OSBPL9: variants seen among roughly 807,000 people sequenced by gnomAD.
OSBPL9 encodes oxysterol-binding protein-related protein 9.
Under a neutral mutation model 106.6 loss-of-function variants are expected in OSBPL9, and 40 were observed. That is an observed-to-expected ratio of 0.38 (90% confidence interval 0.29 to 0.49). OSBPL9 has a LOEUF of 0.49. Ranked by LOEUF, OSBPL9 falls within the 20% of genes least tolerant of loss-of-function variation. OSBPL9 has a pLI of 0.97. For missense variants in OSBPL9, 609 were observed against 887.2 expected (o/e 0.69, Z 3.98); for synonymous variants, 269 against 295.4 (o/e 0.91, Z 0.92).
At chr1:51,715,689 AC>A (rs1660923137) in intron 4 of OSBPL9, among the ~76,000 whole-genome samples, 1 of 152,224 alleles carries the variant, frequency 6.6e-6, no homozygotes, top group Non-Finnish European at 1.5e-5. Context: ...AACAAGAGCC[AC>A]CTGCCCTTGT....
intron 9 of OSBPL9, among the ~76,000 whole-genome samples, chr1:51,757,748 C>T (rs1264031618): frequency 1.3e-5 from 2 of 152,032 alleles, no homozygotes; most frequent in African/African-American, 4.8e-5. Context: ...TGCTTGGGTT[C>T]AAATAAAATA....
At chr1:51,669,613 T>A (rs1018795981) in intron 3 of OSBPL9, 101 bp downstream of exon 3, 1 of 1,117,250 alleles carries the variant, frequency 9.0e-7, no homozygotes, top group Non-Finnish European at 1.3e-6. Flanking sequence ...TTGCAACTGA[T>A]CCTGCATGAA....
intron 6 of OSBPL9, among the ~76,000 whole-genome samples, chr1:51,747,215 C>T (rs996109577): frequency 7.9e-5 from 12 of 152,236 alleles, no homozygotes; most frequent in Non-Finnish European, 1.8e-4. Context: ...GATCCACCCA[C>T]CTTGACCTCC....
At chr1:51,736,196 A>G (rs1032567676) in intron 4 of OSBPL9, among the ~76,000 whole-genome samples, 1 of 152,194 alleles carries the variant, frequency 6.6e-6, no homozygotes, top group Non-Finnish European at 1.5e-5. Context: ...CTTGTATTTT[A>G]TATCATCTTG....
At chr1:51,570,238 A>G in the OSBPL9 span, among the ~76,000 whole-genome samples, 1 of 152,212 alleles carries the variant, frequency 6.6e-6, no homozygotes, top group Non-Finnish European at 1.5e-5. Flanking sequence ...CACTGCTAAC[A>G]TTCACTGAAC....
intron 3 of OSBPL9, among the ~76,000 whole-genome samples, chr1:51,700,010 C>A (rs1656894691): frequency 6.6e-6 from 1 of 152,140 alleles, no homozygotes; most frequent in African/African-American, 2.4e-5. Flanking sequence ...TATTTAACTC[C>A]GTTTTCCAAA....
intron 1 of OSBPL9, among the ~76,000 whole-genome samples, chr1:51,587,790 A>G (rs761180309): frequency 3.5e-4 from 53 of 152,186 alleles, no homozygotes; most frequent in Admixed American, 2.9e-3. Context: ...AGAATTCTCC[A>G]AAATGTAACC....
intron 1 of OSBPL9, among the ~76,000 whole-genome samples, chr1:51,633,556 A>G (rs902424499): frequency 1.3e-5 from 2 of 151,796 alleles, no homozygotes; most frequent in African/African-American, 2.4e-5. Context: ...CTGCCAGTCC[A>G]CTCCAGCCCG....
chr1:51,784,352 C>A, intron 19 of OSBPL9, 25 bp downstream of exon 19: 1 of 1,610,142 alleles, frequency 6.2e-7, no homozygotes, highest in Non-Finnish European at 8.5e-7. Context: ...TTCCTCTGAT[C>A]AGCAGTAGAC....
chr1:51,646,474 C>T (rs936772208), intron 1 of OSBPL9, among the ~76,000 whole-genome samples: 4 of 152,082 alleles, frequency 2.6e-5, no homozygotes, highest in Admixed American at 2.6e-4. Flanking sequence ...CTGTTTGAAA[C>T]TTTGGTGAGC....
chr1:51,647,457 A>G (rs535250729), intron 1 of OSBPL9, among the ~76,000 whole-genome samples: 1 of 152,250 alleles, frequency 6.6e-6, no homozygotes, highest in South Asian at 2.1e-4. Flanking sequence ...TCGCTCTTCT[A>G]TATTTTGGAA....
intron 4 of OSBPL9, among the ~76,000 whole-genome samples, chr1:51,716,823 A>G (rs1397236412): frequency 6.6e-6 from 1 of 152,082 alleles, no homozygotes; most frequent in Non-Finnish European, 1.5e-5. Context: ...CTACCTTTAA[A>G]ACATATCCTA....
At chr1:51,784,138 G>C in intron 18 of OSBPL9, 113 bp downstream of exon 18, 1 of 1,382,558 alleles carries the variant, frequency 7.2e-7, no homozygotes, top group East Asian at 2.3e-5. Flanking sequence ...TGAGAGCAAA[G>C]GGTGGGGAAC....
chr1:51,787,210 T>C, intron 22 of OSBPL9, 143 bp from the exon 23 acceptor site: 1 of 760,862 alleles, frequency 1.3e-6, no homozygotes, highest in Non-Finnish European at 2.2e-6. Context: ...TGTTCCTTAC[T>C]CCAGTGCCCT....
At chr1:51,523,722 T>C in the OSBPL9 span, among the ~76,000 whole-genome samples, 1 of 152,188 alleles carries the variant, frequency 6.6e-6, no homozygotes, top group African/African-American at 2.4e-5. Context: ...GAGAAGACCT[T>C]AAATCATAAA....
chr1:51,755,425 G>T (rs1670124467), intron 8 of OSBPL9, among the ~76,000 whole-genome samples: 1 of 152,100 alleles, frequency 6.6e-6, no homozygotes, highest in Non-Finnish European at 1.5e-5. Context: ...CTTAATAATG[G>T]TTTTACTTAG....
chr1:51,586,221 A>G (rs1290597450), intron 1 of OSBPL9, among the ~76,000 whole-genome samples: 1 of 152,028 alleles, frequency 6.6e-6, no homozygotes, highest in Admixed American at 6.6e-5. Context: ...AAAGGGTAAC[A>G]CAAGTTCATT....
chr1:51,653,739 C>T (rs1294524112), intron 2 of OSBPL9, among the ~76,000 whole-genome samples: 1 of 152,196 alleles, frequency 6.6e-6, no homozygotes. Context: ...GAGCTCACGC[C>T]TTTAATCCCA....
intron 1 of OSBPL9, among the ~76,000 whole-genome samples, chr1:51,587,306 A>G (rs746843852): frequency 1.3e-5 from 2 of 152,218 alleles, no homozygotes; most frequent in African/African-American, 2.4e-5. Flanking sequence ...CGGAGGTTGC[A>G]GTGAGCTGAG....
Sources: gnomAD v4.1 joint callset for allele counts (sites outside exome capture counted in the v4.1 genomes callset) on GRCh38, gnomAD v4.1.1 for gene constraint, MANE v1.5 for transcripts, NCBI Gene and HGNC (gene_info 2026-07-23, HGNC 2026-07-21) for gene names.